TCF7L1: variants seen among roughly 807,000 people sequenced by gnomAD.
The protein encoded by TCF7L1 is transcription factor 7 like 1.
A neutral mutation model predicts 63.7 loss-of-function variants in TCF7L1; 18 were observed. That is an observed-to-expected ratio of 0.28 (90% CI 0.20 to 0.42). The LOEUF (loss-of-function observed/expected upper bound fraction) is 0.42. Ranked by LOEUF, TCF7L1 falls within the 10% of genes least tolerant of loss-of-function variation. The pLI, the probability that TCF7L1 is intolerant of heterozygous loss-of-function variation, is 1.00. For missense variants in TCF7L1, 654 were observed against 779.3 expected, an observed-to-expected ratio of 0.84 and a Z score of 1.91; for synonymous variants, 355 against 340.9, an observed-to-expected ratio of 1.04 and a Z score of -0.46.
intron 3 of TCF7L1, among the ~76,000 whole-genome samples, chr2:85,221,683 A>C (rs772256543): frequency 4.6e-5 from 7 of 152,224 alleles, no homozygotes; most frequent in Non-Finnish European, 1.0e-4. Context: ...CAGCCCTCAT[A>C]ACCTAATCAC....
In TCF7L1 at chr2:85,306,069, C is replaced by T. The variant is rs143391427; in HGVS notation, c.990-137C>T. 2.4e-4 allele frequency: 228 copies of T among 957,118 alleles called. No individual in the cohort carries two copies. Among genetic ancestry groups the T allele is most frequent in the Middle Eastern group, 1.7e-3 (5 of 3,020 alleles). 59.3% of individuals were successfully genotyped at this position (957,118 alleles called of 1,614,324 possible). A position where few individuals can be genotyped will look rare whatever the true frequency, so the allele number is the denominator to read the frequency against. Reference sequence around the variant, plus strand: ...GAAGGTACTCAGGTGTTGAGTGCAGCCATGGGGCCACTTGAATTAGCATCC... The same window carrying T: ...GAAGGTACTCAGGTGTTGAGTGCAGTCATGGGGCCACTTGAATTAGCATCC... On this transcript the variant is annotated intron_variant, in intron 8 of 11. Coordinates refer to ENST00000282111, the MANE Select transcript of TCF7L1 (RefSeq NM_031283.3). The surrounding 1 kb of genome is among the most constrained non-coding windows in gnomAD (Gnocchi z 4.3).
Position 85,309,322 on chromosome 2 carries a change from TC to T in TCF7L1, c.1630del (p.Arg544GlyfsTer59). 6.2e-7 allele frequency: 1 copy of T among 1,612,914 alleles called. No homozygotes were observed. The highest frequency in any genetic ancestry group is 8.5e-7 in the Non-Finnish European group (1 of 1,179,832). Reference protein sequence around the residue: ...GQMGSQPPLLSRPLPLGSMPT... With the variant: ...GQMGSQPPLLXRPLPLGSMPT... ...GATGGGCAGCCAGCCTCCCCTCCTG[TC>T]CCGGCCCCTCCCCCTTGGGTCCATG... is the stretch of plus-strand genomic sequence containing the variant. On this transcript the variant is annotated frameshift_variant, in exon 12 of 12. Transcript: ENST00000282111. LOFTEE classifies it high-confidence loss of function.
chr2:85,240,923 A>G (rs1680306100), intron 3 of TCF7L1, among the ~76,000 whole-genome samples: 1 of 152,220 alleles, frequency 6.6e-6, no homozygotes, highest in African/African-American at 2.4e-5. Flanking sequence ...TTCCTAAACT[A>G]TGGTAATAGT....
In TCF7L1 at chr2:85,281,847, T is replaced by C. The variant is rs79081766; in HGVS notation, c.442-1648T>C. On this transcript the variant is annotated intron_variant, in intron 3 of 11. Coordinates refer to ENST00000282111, the MANE Select transcript of TCF7L1 (RefSeq NM_031283.3). Reference sequence around the variant, plus strand: ...GCCCAGTCAGTCCCTGCCATCTTGGTCAAGACTTATGGTGAATGAAGAGCA... The same window carrying C: ...GCCCAGTCAGTCCCTGCCATCTTGGCCAAGACTTATGGTGAATGAAGAGCA... 9.4e-3 allele frequency among the ~76,000 whole-genome samples: 1,428 copies of C among 152,290 alleles called. 68 individuals carry two copies. The highest frequency in any genetic ancestry group is 0.074 in the Admixed American group (1,131 of 15,292).
chr2:85,201,505 C>T (rs1572989308), intron 3 of TCF7L1, among the ~76,000 whole-genome samples: 2 of 152,244 alleles, frequency 1.3e-5, no homozygotes, highest in East Asian at 1.9e-4. Context: ...ACAAGTTTTT[C>T]CAAATTGTCA....
intron 11 of TCF7L1, 93 bp from the exon 12 acceptor site, chr2:85,308,936 G>C (rs1354794436): frequency 2.1e-6 from 3 of 1,411,630 alleles, no homozygotes; most frequent in Non-Finnish European, 2.9e-6. Context: ...TCATCCCTGT[G>C]TCTCCAAAGC....
chr2:85,160,445 G>T (rs1230270055), intron 3 of TCF7L1, among the ~76,000 whole-genome samples: 1 of 152,082 alleles, frequency 6.6e-6, no homozygotes, highest in Non-Finnish European at 1.5e-5. Context: ...GGCTGGTCTC[G>T]AACTCCTGAC....
chr2:85,156,411 G>C (rs1484989309), intron 3 of TCF7L1, among the ~76,000 whole-genome samples: 1 of 151,840 alleles, frequency 6.6e-6, no homozygotes, highest in Non-Finnish European at 1.5e-5. Context: ...CTCAAGGCGA[G>C]TGTTCAGGAA....
intron 3 of TCF7L1, among the ~76,000 whole-genome samples, chr2:85,195,261 A>G (rs1348948673): frequency 6.6e-6 from 1 of 152,250 alleles, no homozygotes; most frequent in Non-Finnish European, 1.5e-5. Context: ...GGTGAAAAGA[A>G]CCAGCACCTG....
At chr2:85,180,683 A>G (rs369374460) in intron 3 of TCF7L1, among the ~76,000 whole-genome samples, 1 of 152,324 alleles carries the variant, frequency 6.6e-6, no homozygotes, top group African/African-American at 2.4e-5. Flanking sequence ...CAACCACGAT[A>G]AGAGTTACAG....
intron 3 of TCF7L1, among the ~76,000 whole-genome samples, chr2:85,145,427 T>C (rs1441995605): frequency 3.3e-5 from 5 of 152,216 alleles, no homozygotes; most frequent in East Asian, 1.9e-4. Context: ...ATGAGTGGTA[T>C]GAAAAGCAGA....
At chr2:85,186,057 C>T (rs1015474333) in intron 3 of TCF7L1, among the ~76,000 whole-genome samples, 2 of 150,590 alleles carry the variant, frequency 1.3e-5, no homozygotes, top group South Asian at 2.1e-4. Flanking sequence ...AGCTCTGCCT[C>T]CCAGGTTCAC....
At chr2:85,298,060 C>A (rs1681872732) in intron 4 of TCF7L1, among the ~76,000 whole-genome samples, 1 of 150,644 alleles carries the variant, frequency 6.6e-6, no homozygotes, top group Non-Finnish European at 1.5e-5. Context: ...CAGGTTCAAG[C>A]GATTCTCCTG....
At chr2:85,156,236 C>T (rs946474194) in intron 3 of TCF7L1, among the ~76,000 whole-genome samples, 1 of 152,216 alleles carries the variant, frequency 6.6e-6, no homozygotes, top group Non-Finnish European at 1.5e-5. Flanking sequence ...GCACAAGCCT[C>T]ATTCACCAAG....
At chr2:85,277,004 C>T (rs970531534) in intron 3 of TCF7L1, among the ~76,000 whole-genome samples, 22 of 152,020 alleles carry the variant, frequency 1.4e-4, no homozygotes, top group African/African-American at 5.1e-4. Flanking sequence ...CGTAGCAGGC[C>T]GGGGAGCAGC....
intron 3 of TCF7L1, among the ~76,000 whole-genome samples, chr2:85,150,478 C>T (rs910207181): frequency 3.3e-5 from 5 of 152,008 alleles, no homozygotes; most frequent in Non-Finnish European, 7.4e-5. Flanking sequence ...GTGATCCACC[C>T]GCCTTGGCCT....
intron 3 of TCF7L1, 101 bp from the exon 4 acceptor site, chr2:85,283,394 A>C: frequency 8.0e-7 from 1 of 1,257,832 alleles, no homozygotes; most frequent in Non-Finnish European, 1.2e-6. Flanking sequence ...AGGCCACCCC[A>C]ATGGCCTGCC....
At chr2:85,192,192 A>G (rs1558629374) in intron 3 of TCF7L1, among the ~76,000 whole-genome samples, 1 of 152,142 alleles carries the variant, frequency 6.6e-6, no homozygotes, top group African/African-American at 2.4e-5. Flanking sequence ...AAGATATGTC[A>G]TCTTGCAAAT....
At chr2:85,291,042 C>A (rs543401484) in intron 4 of TCF7L1, among the ~76,000 whole-genome samples, 47 of 152,326 alleles carry the variant, frequency 3.1e-4, no homozygotes, top group African/African-American at 1.1e-3. Context: ...AGTCTGACAG[C>A]CTTCCTTCCC....
Sources: gnomAD v4.1 joint callset for allele counts (sites outside exome capture counted in the v4.1 genomes callset) on GRCh38, gnomAD v4.1.1 for gene constraint, Gnocchi (gnomAD v3.1) non-coding constraint, MANE v1.5 for transcripts, NCBI Gene and HGNC (gene_info 2026-07-23, HGNC 2026-07-21) for gene names.